ANK2: variants seen among roughly 807,000 people sequenced by gnomAD.
ANK2 encodes the protein ankyrin-2.
ANK2 carries 83 observed loss-of-function variants against 360.5 expected under a neutral mutation model. The ratio of observed to expected loss-of-function variants is 0.23; its 90% CI spans 0.19 to 0.28. The LOEUF is 0.28. Ranked by LOEUF, ANK2 falls within the 10% of genes least tolerant of loss-of-function variation. The pLI, the probability that ANK2 is intolerant of heterozygous loss-of-function variation, is 1.00. For synonymous variants in ANK2, 1,740 were observed against 1,759.5 expected (o/e 0.99, Z 0.28); for missense variants, 4,201 against 4,795.7 (o/e 0.88, Z 3.66).
rs1554340086 is a variant in ANK2, at chr4:113,250,759, C to CCCG, written c.990+899_990+900insGCC. ...TCCATTCCACCTCATACCACCGCCCCCCCCCCCGACAGAGTTGGTATCAAC... is the reference window on the plus strand; with the variant it reads ...TCCATTCCACCTCATACCACCGCCCCCCGCCCCCCCGACAGAGTTGGTATCAAC... On this transcript the variant is annotated intron_variant, in intron 10 of 45. Coordinates refer to ENST00000357077, the MANE Select transcript of ANK2 (RefSeq NM_001148.6). 4.5e-5 allele frequency among the ~76,000 whole-genome samples: 6 copies of CCCG among 134,620 alleles called. 1 individual carries two copies. The highest frequency in any genetic ancestry group is 8.3e-5 in the Non-Finnish European group (5 of 60,536). The allele number at this position is 134,620 out of a possible 152,430, so 88.3% of individuals were successfully genotyped here.
intron 2 of ANK2, among the ~76,000 whole-genome samples, chr4:113,024,152 A>G (rs981708094): frequency 6.6e-6 from 1 of 152,250 alleles, no homozygotes; most frequent in African/African-American, 2.4e-5. Flanking sequence ...AATAAAAACC[A>G]GAAAAGAATA....
At chr4:112,937,131 C>A (rs2093809493) in intron 2 of ANK2, among the ~76,000 whole-genome samples, 2 of 152,058 alleles carry the variant, frequency 1.3e-5, no homozygotes, top group East Asian at 1.9e-4. Flanking sequence ...TTTTGTCCAA[C>A]AAATAGATCT....
chr4:113,049,648 C>G (rs927533002), upstream of ANK2: 1 of 1,522,636 alleles, frequency 6.6e-7, no homozygotes, highest in African/African-American at 1.4e-5. Context: ...CTGCTTTCCT[C>G]CAGTAAGTGC....
intron 1 of ANK2, among the ~76,000 whole-genome samples, chr4:112,885,796 CAA>C (rs750277917): frequency 0.014 from 375 of 26,878 alleles, 1 homozygote; most frequent in African/African-American, 0.041. Context: ...GACTCTGTCT[CAA>C]AAAAAAAAAA....
intron 2 of ANK2, among the ~76,000 whole-genome samples, chr4:112,934,924 G>C (rs1029596417): frequency 6.6e-6 from 1 of 152,156 alleles, no homozygotes; most frequent in South Asian, 2.1e-4. Flanking sequence ...TGATTAGATG[G>C]CATTTGAGTA....
the ANK2 span, among the ~76,000 whole-genome samples, chr4:112,715,081 A>C: frequency 2.0e-5 from 3 of 152,214 alleles, no homozygotes; most frequent in African/African-American, 7.2e-5. Flanking sequence ...TGACTCCATG[A>C]CTGGAGCAAT....
chr4:113,304,588 A>C (rs905007840), intron 23 of ANK2, among the ~76,000 whole-genome samples: 1 of 152,194 alleles, frequency 6.6e-6, no homozygotes, highest in South Asian at 2.1e-4. Context: ...TTTTCTTAGA[A>C]TATAAATTTA....
chr4:112,994,075 A>G (rs914598432), intron 2 of ANK2, among the ~76,000 whole-genome samples: 2 of 152,338 alleles, frequency 1.3e-5, no homozygotes, highest in African/African-American at 4.8e-5. Context: ...GGAACATCTC[A>G]CGTATTGCTA....
intron 1 of ANK2, among the ~76,000 whole-genome samples, chr4:112,839,580 A>G (rs2061674554): frequency 6.6e-6 from 1 of 152,266 alleles, no homozygotes; most frequent in Non-Finnish European, 1.5e-5. Flanking sequence ...AATGAATGCC[A>G]TTCTGTGTAT....
the ANK2 span, among the ~76,000 whole-genome samples, chr4:112,786,634 C>T: frequency 3.3e-5 from 5 of 151,922 alleles, no homozygotes; most frequent in East Asian, 9.7e-4. Context: ...TGACCTCCTG[C>T]CCACCTCAGC....
At chr4:113,210,124 A>G (rs1005255689) in intron 4 of ANK2, among the ~76,000 whole-genome samples, 1 of 152,074 alleles carries the variant, frequency 6.6e-6, no homozygotes, top group Non-Finnish European at 1.5e-5. Context: ...CAAGTTTCTT[A>G]TTTACTTCTC....
At chr4:113,076,993 A>AAAAGAAGGAAGGAAGG (rs1158625321) in intron 1 of ANK2, among the ~76,000 whole-genome samples, 2 of 151,616 alleles carry the variant, frequency 1.3e-5, no homozygotes, top group Admixed American at 6.6e-5. Flanking sequence ...AAAGAAAGGA[A>AAAAGAAGGAAGGAAGG]AAAGAAGGAA....
At chr4:112,739,607 C>T in the ANK2 span, among the ~76,000 whole-genome samples, 2 of 152,236 alleles carry the variant, frequency 1.3e-5, no homozygotes, top group Admixed American at 1.3e-4. Flanking sequence ...GAGCAAGACT[C>T]CGTCTGGGAA....
intron 2 of ANK2, among the ~76,000 whole-genome samples, chr4:113,178,632 A>G (rs1464719312): frequency 6.6e-6 from 1 of 151,664 alleles, no homozygotes; most frequent in African/African-American, 2.4e-5. Flanking sequence ...CTGTATTTTT[A>G]TTAATACTAT....
chr4:112,997,303 G>A (rs6840895), intron 2 of ANK2, among the ~76,000 whole-genome samples: 58,888 of 151,840 alleles, frequency 0.39, 12,594 homozygotes, highest in African/African-American at 0.57. Flanking sequence ...CAAGTACACA[G>A]TAAGTTGTTA....
chr4:113,039,215 G>A (rs1489987539), intron 2 of ANK2, among the ~76,000 whole-genome samples: 1 of 151,704 alleles, frequency 6.6e-6, no homozygotes, highest in South Asian at 2.1e-4. Context: ...GACTTCCTTT[G>A]CCATCTATTT....
intron 1 of ANK2, among the ~76,000 whole-genome samples, chr4:112,836,635 T>C (rs1436449338): frequency 6.6e-6 from 1 of 152,196 alleles, no homozygotes; most frequent in Admixed American, 6.5e-5. Context: ...GATGAGGAAC[T>C]TATTGGGAAC....
intron 5 of ANK2, among the ~76,000 whole-genome samples, chr4:113,233,751 TTAA>T (rs1171631912): frequency 6.6e-6 from 1 of 152,168 alleles, no homozygotes; most frequent in Non-Finnish European, 1.5e-5. Flanking sequence ...GAAATCACTA[TTAA>T]TGAGACCATG....
chr4:112,761,621 AAAAT>A, the ANK2 span, among the ~76,000 whole-genome samples: 1 of 152,150 alleles, frequency 6.6e-6, no homozygotes, highest in African/African-American at 2.4e-5. Context: ...CTCCGTCTCA[AAAAT>A]AAATAAATAA....
Sources: allele counts gnomAD v4.1 joint callset (sites outside exome capture counted in the v4.1 genomes callset), GRCh38; gene constraint gnomAD v4.1.1; transcripts MANE v1.5; gene names NCBI Gene and HGNC (gene_info 2026-07-23, HGNC 2026-07-21).